ACSS2: variants seen among roughly 807,000 people sequenced by gnomAD.
ACSS2 encodes the protein acyl-CoA synthetase short chain family member 2.
In ACSS2, 58 loss-of-function variants were observed where a neutral mutation model predicts 90.6. That is an observed-to-expected ratio of 0.64 (90% CI 0.52 to 0.80). ACSS2 has a LOEUF of 0.80. Among genes scored for constraint, ACSS2 ranks in the 30% least tolerant of loss-of-function variants. ACSS2 has a pLI of 0.00. For synonymous variants in ACSS2, 300 were observed against 330.9 expected (o/e 0.91, Z 1.01); for missense variants, 759 against 912.0 (o/e 0.83, Z 2.16).
intron 16 of ACSS2, 42 bp downstream of exon 16, chr20:34,926,323 G>C: frequency 1.9e-6 from 3 of 1,589,888 alleles, no homozygotes; most frequent in South Asian, 1.1e-5. Context: ...GTCTGTCTTG[G>C]AGGCCCAGTT....
At chr20:34,896,822 T>C (rs1252402355) in intron 2 of ACSS2, among the ~76,000 whole-genome samples, 1 of 152,146 alleles carries the variant, frequency 6.6e-6, no homozygotes, top group Admixed American at 6.5e-5. Flanking sequence ...GGCGGGCGGA[T>C]CACTTGAGGT....
chr20:34,920,756 C>A lies in ACSS2; in HGVS notation c.1143+47C>A, dbSNP rs1198459606. The A allele has an allele frequency of 1.1e-5, 17 of 1,573,082 alleles. No individual in the cohort carries two copies. The South Asian group carries it at 1.8e-4, about 16-fold the overall frequency. On this transcript the variant is annotated intron_variant, in intron 9 of 17. Transcript: ENST00000360596. ...CTAGCTGGGGGATGGACAAGATTAT[C>A]CTGGGTGACTACCTCCCAAGGCTGC... is the stretch of plus-strand genomic sequence containing the variant.
At chr20:34,881,572 A>G (rs1260674874) in intron 1 of ACSS2, among the ~76,000 whole-genome samples, 2 of 152,148 alleles carry the variant, frequency 1.3e-5, no homozygotes, top group African/African-American at 4.8e-5. Context: ...AATTCCTGCT[A>G]TTCTTTCCCT....
intron 7 of ACSS2, among the ~76,000 whole-genome samples, chr20:34,915,577 G>A (rs139371811): frequency 2.0e-5 from 3 of 152,270 alleles, no homozygotes; most frequent in African/African-American, 4.8e-5. Flanking sequence ...GAGCAGAGCC[G>A]AGAGACAGGA....
Position 34,876,737 on chromosome 20 carries a change from C to T in ACSS2, c.92C>T (p.Pro31Leu). The change falls in exon 1 of 18, where the codon CCG (proline) becomes CTG (leucine). Residue 31 changes from proline (P) to leucine (L), a missense_variant. Transcript: ENST00000360596. ...GGAGGCCGGGCGCGGAGTTGGTCTC[C>T]GCCGCCCGAGGTCAGCCGCTCCGCG... is the stretch of plus-strand genomic sequence containing the variant. Reference protein sequence around the residue: ...GAGGRARSWSPPPEVSRSAHV... With the variant: ...GAGGRARSWSLPPEVSRSAHV... The T allele has an allele frequency of 6.9e-7, 1 of 1,439,632 alleles. No individual in the cohort carries two copies. 89.2% of individuals were successfully genotyped at this position (1,439,632 alleles called of 1,614,324 possible).
intron 2 of ACSS2, among the ~76,000 whole-genome samples, chr20:34,911,313 G>A (rs551250697): frequency 1.7e-4 from 25 of 150,946 alleles, no homozygotes; most frequent in Non-Finnish European, 2.7e-4. Flanking sequence ...TCAGCCTCCC[G>A]AGTAGCTGGC....
At position 34,927,291 on chromosome 20, in the gene ACSS2, A is replaced by T; in HGVS notation, c.*77A>T. On this transcript the variant is annotated 3_prime_UTR_variant, in exon 18 of 18. Transcript: ENST00000360596. The surrounding 1 kb of genome is among the most constrained non-coding windows in gnomAD (Gnocchi z 4.2). Reference sequence around the variant, plus strand: ...CCTCTTTGCCCCCTCAGGAGTGCTGAGGGCCAGTGTTGACCCACACTACCC... The same window carrying T: ...CCTCTTTGCCCCCTCAGGAGTGCTGTGGGCCAGTGTTGACCCACACTACCC... The T allele has an allele frequency of 6.3e-7, 1 of 1,584,968 alleles. No homozygotes were observed. Among genetic ancestry groups the T allele is most frequent in the Non-Finnish European group, 8.6e-7 (1 of 1,166,390 alleles).
rs375346989 is a variant in ACSS2 at position 34,923,357 on chromosome 20, C to A, written c.1583C>A (p.Thr528Lys). 22 of 1,614,062 alleles carry A rather than the reference C, an allele frequency of 1.4e-5. No individual in the cohort carries two copies. The highest frequency in any genetic ancestry group is 1.8e-5 in the Non-Finnish European group (21 of 1,180,020). Residue 528 changes from threonine to lysine, a missense_variant, in exon 14 of 18, where the codon ACA becomes AAA. Transcript: ENST00000360596. ...CAGCCCTGGCCAGGGATCATGCGCA[C>A]AGTCTATGGGAACCACGAACGCTTT... The part of the protein sequence containing the change: ...FKQPWPGIMR[T>K]VYGNHERFET...
chr20:34,917,924 T>C (rs1378851926), intron 7 of ACSS2, among the ~76,000 whole-genome samples: 2 of 152,178 alleles, frequency 1.3e-5, no homozygotes, highest in Admixed American at 6.5e-5. Context: ...GGCTACTTTT[T>C]GTATTTTTAG....
intron 2 of ACSS2, among the ~76,000 whole-genome samples, chr20:34,894,914 A>G (rs993268166): frequency 3.9e-5 from 6 of 152,112 alleles, no homozygotes; most frequent in Non-Finnish European, 8.8e-5. Context: ...AGTTTATGTA[A>G]ATAATTACCT....
chr20:34,904,940 C>T (rs986132131), intron 2 of ACSS2, among the ~76,000 whole-genome samples: 2 of 110,264 alleles, frequency 1.8e-5, no homozygotes, highest in Admixed American at 1.3e-4. Flanking sequence ...TAGGCAGGGG[C>T]GAGACAGGGT....
chr20:34,892,174 G>A (rs939625042), intron 2 of ACSS2, among the ~76,000 whole-genome samples: 1 of 152,176 alleles, frequency 6.6e-6, no homozygotes, highest in Admixed American at 6.5e-5. Context: ...GAGAAGTTAG[G>A]GGAGAGGAGG....
At position 34,911,882 on chromosome 20, in the gene ACSS2, G is replaced by A. The variant is rs553905269; in HGVS notation, c.375-1214G>A. ...GTCGCCCAGGCTGGAGTGCAGTGGCGTGATCTTGGCTCACCACAACCTCCA... is the reference window on the plus strand; with the variant it reads ...GTCGCCCAGGCTGGAGTGCAGTGGCATGATCTTGGCTCACCACAACCTCCA... On this transcript the variant is annotated intron_variant, in intron 2 of 17. Coordinates refer to ENST00000360596, the MANE Select transcript of ACSS2 (RefSeq NM_018677.4). Among the ~76,000 whole-genome samples the A allele has an allele frequency of 1.3e-4, 20 of 152,058 alleles. No individual in the cohort carries two copies. In the East Asian group the frequency reaches 2.9e-3, roughly 22 times the overall value.
chr20:34,921,223 T>A, intron 10 of ACSS2, 84 bp downstream of exon 10: 1 of 1,607,692 alleles, frequency 6.2e-7, no homozygotes, highest in Non-Finnish European at 8.5e-7. Context: ...TTTTCCATTG[T>A]CCCAACTCTC....
At chr20:34,888,211 C>G (rs2080246812) in intron 2 of ACSS2, among the ~76,000 whole-genome samples, 1 of 151,838 alleles carries the variant, frequency 6.6e-6, no homozygotes, top group East Asian at 1.9e-4. Context: ...GTTTTGGTGT[C>G]AGACTAACCC....
chr20:34,914,706 G>A (rs530824164), intron 7 of ACSS2, among the ~76,000 whole-genome samples: 2 of 152,290 alleles, frequency 1.3e-5, no homozygotes, highest in South Asian at 4.1e-4. Flanking sequence ...TGGGCACAGG[G>A]GATCCTCAGG....
At chr20:34,897,095 T>C (rs2080482653) in intron 2 of ACSS2, among the ~76,000 whole-genome samples, 1 of 151,990 alleles carries the variant, frequency 6.6e-6, no homozygotes, top group Admixed American at 6.5e-5. Flanking sequence ...ATCTTTCTAA[T>C]GAATGAATAG....
chr20:34,914,280 T>G, intron 6 of ACSS2, 43 bp from the exon 7 acceptor site: 1 of 1,604,498 alleles, frequency 6.2e-7, no homozygotes, highest in East Asian at 2.2e-5. Context: ...CAAGTTCCCT[T>G]TGAGCCAACA....
At chr20:34,903,526 T>C (rs940713706) in intron 2 of ACSS2, among the ~76,000 whole-genome samples, 5 of 152,018 alleles carry the variant, frequency 3.3e-5, no homozygotes, top group African/African-American at 1.2e-4. Flanking sequence ...TCTCTCAATA[T>C]CTTCTCTTCC....
Sources: gnomAD v4.1 joint callset for allele counts (sites outside exome capture counted in the v4.1 genomes callset) on GRCh38, gnomAD v4.1.1 for gene constraint, Gnocchi (gnomAD v3.1) non-coding constraint, MANE v1.5 for transcripts, NCBI Gene and HGNC (gene_info 2026-07-23, HGNC 2026-07-21) for gene names.